The following GRM8 variants were observed in gnomAD, a reference collection of about 807,000 sequenced individuals.
GRM8 encodes the protein metabotropic glutamate receptor 8.
Under a neutral mutation model 87.2 loss-of-function variants are expected in GRM8, and 47 were observed. That is an observed-to-expected ratio of 0.54 (90% CI 0.43 to 0.69). The LOEUF is 0.69. Ranked by LOEUF, GRM8 falls within the 30% of genes least tolerant of loss-of-function variation. The probability of loss-of-function intolerance (pLI) is 0.00; values close to 1 mark genes in which losing one functional copy is unlikely to be tolerated. For missense variants in GRM8, 1,019 were observed against 1,139.2 expected (o/e 0.89, Z 1.52); for synonymous variants, 396 against 404.5 (o/e 0.98, Z 0.25).
chr7:127,062,236 A>T (rs986745654), intron 3 of GRM8, among the ~76,000 whole-genome samples: 1 of 152,168 alleles, frequency 6.6e-6, no homozygotes, highest in Non-Finnish European at 1.5e-5. Context: ...GAAAAGGCAG[A>T]TAGCTAAGCT....
chr7:126,926,966 C>G (rs1460151964), intron 3 of GRM8, among the ~76,000 whole-genome samples: 1 of 152,186 alleles, frequency 6.6e-6, no homozygotes, highest in East Asian at 1.9e-4. Context: ...TAGAAATGTA[C>G]TTTTAACTCT....
intron 3 of GRM8, among the ~76,000 whole-genome samples, chr7:126,930,303 A>T (rs1394095809): frequency 6.6e-6 from 1 of 152,200 alleles, no homozygotes; most frequent in Non-Finnish European, 1.5e-5. Flanking sequence ...ACCTCATAAG[A>T]GCTGACATGA....
intron 2 of GRM8, among the ~76,000 whole-genome samples, chr7:127,118,812 T>C (rs1245741416): frequency 6.6e-6 from 1 of 152,236 alleles, no homozygotes; most frequent in Non-Finnish European, 1.5e-5. Flanking sequence ...CCACAGGTGT[T>C]CAGCTTCCTC....
intron 9 of GRM8, among the ~76,000 whole-genome samples, chr7:126,474,596 A>G (rs563206086): frequency 1.3e-5 from 2 of 152,274 alleles, no homozygotes; most frequent in African/African-American, 4.8e-5. Flanking sequence ...CTGAAAACCT[A>G]TGTTCATCCT....
At chr7:126,892,727 G>C (rs1801174177) in intron 6 of GRM8, among the ~76,000 whole-genome samples, 1 of 152,094 alleles carries the variant, frequency 6.6e-6, no homozygotes, top group Admixed American at 6.6e-5. Context: ...CTTCCACAAT[G>C]GTTGAAGTAG....
intron 6 of GRM8, among the ~76,000 whole-genome samples, chr7:126,798,717 C>T (rs1224415664): frequency 2.0e-5 from 3 of 152,220 alleles, no homozygotes; most frequent in East Asian, 1.9e-4. Flanking sequence ...ACTTCTCATA[C>T]GTCCAAGAGT....
At chr7:126,683,168 G>A (rs1807798883) in intron 7 of GRM8, among the ~76,000 whole-genome samples, 1 of 152,240 alleles carries the variant, frequency 6.6e-6, no homozygotes, top group African/African-American at 2.4e-5. Context: ...GCGCAAGTGA[G>A]AAACTTGTTC....
intron 8 of GRM8, among the ~76,000 whole-genome samples, chr7:126,605,807 C>A (rs945086411): frequency 2.0e-5 from 3 of 152,156 alleles, no homozygotes; most frequent in Non-Finnish European, 4.4e-5. Flanking sequence ...ACAATTCCCA[C>A]CAGAGGTCAG....
At chr7:127,121,929 T>A (rs1033862937) in intron 2 of GRM8, among the ~76,000 whole-genome samples, 1 of 152,154 alleles carries the variant, frequency 6.6e-6, no homozygotes, top group African/African-American at 2.4e-5. Flanking sequence ...CCTTGGCAAC[T>A]GAAGGCTAGG....
intron 7 of GRM8, among the ~76,000 whole-genome samples, chr7:126,630,493 A>G (rs1801150147): frequency 6.6e-6 from 1 of 152,188 alleles, no homozygotes; most frequent in Admixed American, 6.6e-5. Flanking sequence ...ACACTATTCC[A>G]AAAAATTGAA....
intron 7 of GRM8, among the ~76,000 whole-genome samples, chr7:126,667,457 G>C (rs1173277281): frequency 1.3e-5 from 2 of 152,158 alleles, no homozygotes; most frequent in African/African-American, 4.8e-5. Context: ...ATTTTAGAAG[G>C]AAAATGTGCC....
At chr7:127,183,134 G>A (rs76110601) in intron 2 of GRM8, among the ~76,000 whole-genome samples, 2 of 151,860 alleles carry the variant, frequency 1.3e-5, no homozygotes, top group Non-Finnish European at 2.9e-5. Context: ...AAAGGAAGCT[G>A]GAATAACTAT....
chr7:127,219,806 G>C (rs1486391083), intron 2 of GRM8: 4 of 152,160 alleles, frequency 2.6e-5, no homozygotes, highest in African/African-American at 7.2e-5. Flanking sequence ...CACCCCAAAA[G>C]CTCCACCCAG....
At chr7:126,584,250 G>A (rs1482365136) in intron 8 of GRM8, among the ~76,000 whole-genome samples, 1 of 151,890 alleles carries the variant, frequency 6.6e-6, no homozygotes, top group Non-Finnish European at 1.5e-5. Context: ...TTTTGAGACA[G>A]AGTCTCACAC....
At chr7:126,799,253 G>T (rs534345221) in intron 6 of GRM8, among the ~76,000 whole-genome samples, 1 of 152,062 alleles carries the variant, frequency 6.6e-6, no homozygotes, top group Non-Finnish European at 1.5e-5. Flanking sequence ...TGAACACACT[G>T]ATAATTGGAG....
chr7:126,672,848 A>G (rs1173312892), intron 7 of GRM8, among the ~76,000 whole-genome samples: 1 of 152,160 alleles, frequency 6.6e-6, no homozygotes, highest in Non-Finnish European at 1.5e-5. Context: ...AGCCTCTCAC[A>G]TGGCCCCTTC....
chr7:126,609,460 C>T lies in GRM8; in HGVS notation c.1396G>A (p.Asp466Asn), dbSNP rs749969852. Residue 466 changes from aspartate (D) to asparagine (N), a missense_variant, in exon 8 of 11, where the codon GAT becomes AAT. Physicochemically the swap from Asp to Asn is conservative, Grantham distance 23. Transcript: ENST00000339582. Reference protein sequence around the residue: ...GTPVTFNENGDAPGRYDIFQY... With the variant: ...GTPVTFNENGNAPGRYDIFQY... ...AAGATATCATAACGTCCAGGAGCAT[C>T]TCCGTTTTCATTAAAAGTGACAGGA... is the stretch of plus-strand genomic sequence containing the variant. 3.2e-5 allele frequency: 52 copies of T among 1,611,860 alleles called. No homozygotes were observed. The East Asian group carries it at 1.1e-3, about 35-fold the overall frequency.
intron 7 of GRM8, among the ~76,000 whole-genome samples, chr7:126,749,177 C>G (rs950665454): frequency 2.0e-5 from 3 of 152,070 alleles, no homozygotes; most frequent in Non-Finnish European, 4.4e-5. Context: ...ACTCCAGAGG[C>G]TGAGGCAGGA....
intron 8 of GRM8, among the ~76,000 whole-genome samples, chr7:126,550,656 T>C (rs1458778675): frequency 6.6e-6 from 1 of 152,070 alleles, no homozygotes; most frequent in East Asian, 1.9e-4. Context: ...AAAACTCAAG[T>C]GTTACACACA....
Sources: gnomAD v4.1 joint callset for allele counts (sites outside exome capture counted in the v4.1 genomes callset) on GRCh38, gnomAD v4.1.1 for gene constraint, MANE v1.5 for transcripts, NCBI Gene and HGNC (gene_info 2026-07-23, HGNC 2026-07-21) for gene names.